WDR25: variants seen among roughly 807,000 people sequenced by gnomAD.
WDR25 encodes the protein WD repeat domain 25.
WDR25 carries 35 observed loss-of-function variants against 47.7 expected under a neutral mutation model. The ratio of observed to expected loss-of-function variants is 0.73; its 90% CI spans 0.56 to 0.97. WDR25 has a LOEUF of 0.97. Ranked by LOEUF, WDR25 falls within the 50% of genes least tolerant of loss-of-function variation. WDR25 has a pLI of 0.00. For synonymous variants in WDR25, 248 were observed against 278.9 expected, an observed-to-expected ratio of 0.89 and a Z score of 1.10; for missense variants, 634 against 704.7, an observed-to-expected ratio of 0.90 and a Z score of 1.14.
intron 4 of WDR25, among the ~76,000 whole-genome samples, chr14:100,484,463 G>GGTGTGT (rs5810998): frequency 6.7e-6 from 1 of 150,146 alleles, no homozygotes; most frequent in East Asian, 2.0e-4. Flanking sequence ...ACAGAGAATT[G>GGTGTGT]GTGTGTGTGT....
At chr14:100,511,066 A>G (rs1280150729) in intron 4 of WDR25, among the ~76,000 whole-genome samples, 3 of 152,194 alleles carry the variant, frequency 2.0e-5, no homozygotes, top group African/African-American at 7.2e-5. Context: ...TATGCAAAAA[A>G]AAACTGGCTT....
intron 2 of WDR25, among the ~76,000 whole-genome samples, chr14:100,398,162 G>A (rs970809137): frequency 6.6e-6 from 1 of 152,220 alleles, no homozygotes; most frequent in African/African-American, 2.4e-5. Context: ...GATCAGGAGT[G>A]GGGAGTGTGA....
At chr14:100,472,598 C>T (rs1899879413) in intron 3 of WDR25, among the ~76,000 whole-genome samples, 1 of 152,258 alleles carries the variant, frequency 6.6e-6, no homozygotes, top group African/African-American at 2.4e-5. Flanking sequence ...AGGCCATTTC[C>T]CCACATGGGG....
At chr14:100,403,687 G>A (rs1897447958) in intron 2 of WDR25, among the ~76,000 whole-genome samples, 1 of 152,210 alleles carries the variant, frequency 6.6e-6, no homozygotes, top group Non-Finnish European at 1.5e-5. Context: ...GTGTGGAGGT[G>A]TGATTCCATT....
chr14:100,515,355 C>T (rs898380859), intron 4 of WDR25, among the ~76,000 whole-genome samples: 1 of 151,936 alleles, frequency 6.6e-6, no homozygotes, highest in East Asian at 1.9e-4. Context: ...CCCCTCATCT[C>T]CCTGTCTCAC....
At chr14:100,409,427 C>T (rs138813043) in intron 2 of WDR25, among the ~76,000 whole-genome samples, 4 of 151,578 alleles carry the variant, frequency 2.6e-5, no homozygotes, top group Non-Finnish European at 4.4e-5. Flanking sequence ...GACCCCCCCC[C>T]ACCCATCCCA....
chr14:100,467,697 G>A (rs552054272), intron 2 of WDR25, among the ~76,000 whole-genome samples: 2 of 152,074 alleles, frequency 1.3e-5, no homozygotes, highest in South Asian at 4.2e-4. Flanking sequence ...TGTTGCCTGG[G>A]CTGGTCTTGA....
intron 2 of WDR25, among the ~76,000 whole-genome samples, chr14:100,397,693 C>T (rs963760062): frequency 3.9e-5 from 6 of 152,066 alleles, no homozygotes; most frequent in East Asian, 3.8e-4. Flanking sequence ...AGCAGCAAAG[C>T]GATAGAAAAG....
rs1370232481 is a variant in WDR25, at chr14:100,459,937, TATACAC to T, written c.823-8070_823-8065del. 5.7e-3 allele frequency among the ~76,000 whole-genome samples: 555 copies of T among 97,452 alleles called. 12 individuals carry two copies. Among genetic ancestry groups the T allele is most frequent in the African/African-American group, 0.023 (471 of 20,742 alleles). The allele number at this position is 97,452 out of a possible 152,430, so 63.9% of individuals were successfully genotyped here. On this transcript the variant is annotated intron_variant, in intron 2 of 6. Transcript: ENST00000402312. ...ATATATATATATATATATATATATA[TATACAC>T]ATACACATACACACACATATACACA...
At chr14:100,457,918 A>G (rs1201619554) in intron 2 of WDR25, among the ~76,000 whole-genome samples, 2 of 152,232 alleles carry the variant, frequency 1.3e-5, no homozygotes, top group East Asian at 3.8e-4. Flanking sequence ...TAGTAATAAA[A>G]CAGATTTATG....
chr14:100,526,083 A>G (rs2030119123), intron 5 of WDR25, 43 bp downstream of exon 5: 1 of 1,607,410 alleles, frequency 6.2e-7, no homozygotes, highest in Non-Finnish European at 8.5e-7. Flanking sequence ...TCAGCCACAG[A>G]GCGTATCCAT....
chr14:100,480,096 C>T (rs1389944634), intron 3 of WDR25, among the ~76,000 whole-genome samples: 1 of 152,210 alleles, frequency 6.6e-6, no homozygotes, highest in African/African-American at 2.4e-5. Flanking sequence ...GAATAGGAAT[C>T]AAGCATTGTC....
At chr14:100,393,440 C>T (rs1897186253) in intron 2 of WDR25, among the ~76,000 whole-genome samples, 1 of 152,182 alleles carries the variant, frequency 6.6e-6, no homozygotes, top group African/African-American at 2.4e-5. Flanking sequence ...TGATATGGTT[C>T]TGATACGGTT....
intron 4 of WDR25, among the ~76,000 whole-genome samples, chr14:100,496,912 T>C (rs1595147655): frequency 6.9e-6 from 1 of 145,524 alleles, no homozygotes; most frequent in South Asian, 2.3e-4. Context: ...TTTGGCTTAC[T>C]GCAAAGTCTG....
Position 100,440,188 on chromosome 14 carries a change from A to G in WDR25, c.823-27833A>G, listed in dbSNP as rs190552083. ...TGGAAAGCAGCGTTTTCCTTTTTCA[A>G]TTTCAACCTGACTCCATTCCTCTCT... On this transcript the variant is annotated intron_variant, in intron 2 of 6. Transcript: ENST00000402312. The surrounding 1 kb of genome is among the most constrained non-coding windows in gnomAD (Gnocchi z 4.4). 1.3e-3 allele frequency among the ~76,000 whole-genome samples: 200 copies of G among 152,280 alleles called. 5 individuals carry two copies. Among genetic ancestry groups the G allele is most frequent in the Admixed American group, 0.013 (194 of 15,298 alleles).
intron 2 of WDR25, among the ~76,000 whole-genome samples, chr14:100,460,238 G>A (rs1024704818): frequency 6.6e-5 from 10 of 150,976 alleles, no homozygotes; most frequent in African/African-American, 2.4e-4. Flanking sequence ...TCAGCCTCCT[G>A]AGTAACTGGG....
chr14:100,529,770 C>T lies in WDR25; in HGVS notation c.1414-50C>T. 6.3e-7 allele frequency: 1 copy of T among 1,578,886 alleles called. No homozygotes were observed. The highest frequency in any genetic ancestry group is 8.6e-7 in the Non-Finnish European group (1 of 1,161,330). ...CTCCTCTGTAGAATGGGCATACTCACCCCGGCTTGACAGGTGCGGCTTGCT... is the reference window on the plus strand; with the variant it reads ...CTCCTCTGTAGAATGGGCATACTCATCCCGGCTTGACAGGTGCGGCTTGCT... On this transcript the variant is annotated intron_variant, in intron 6 of 6. Coordinates refer to ENST00000402312, the MANE Select transcript of WDR25 (RefSeq NM_001161476.3). The surrounding 1 kb of genome is among the most constrained non-coding windows in gnomAD (Gnocchi z 5.1).
intron 2 of WDR25, chr14:100,382,265 G>T (rs1221157821): frequency 1.2e-5 from 8 of 681,168 alleles, no homozygotes; most frequent in Non-Finnish European, 2.1e-5. Context: ...ACACACAGGT[G>T]CTCTGGGAGC....
At chr14:100,480,532 A>G (rs1302206121) in intron 3 of WDR25, among the ~76,000 whole-genome samples, 1 of 152,234 alleles carries the variant, frequency 6.6e-6, no homozygotes, top group East Asian at 1.9e-4. Flanking sequence ...CAAAGGGTGA[A>G]AGAGTAACTA....
Sources: allele counts gnomAD v4.1 joint callset (sites outside exome capture counted in the v4.1 genomes callset), GRCh38; gene constraint gnomAD v4.1.1; non-coding constraint Gnocchi (gnomAD v3.1); transcripts MANE v1.5; gene names NCBI Gene and HGNC (gene_info 2026-07-23, HGNC 2026-07-21).